HDX: variants seen among roughly 807,000 people sequenced by gnomAD.
The protein encoded by HDX is chromosome X open reading frame 43.
A neutral mutation model predicts 45.2 loss-of-function variants in HDX; 19 were observed. The observed-to-expected ratio is 0.42, with a 90% CI of 0.29 to 0.62. The LOEUF is 0.62. HDX is among the 20% of genes least tolerant of loss of function. HDX has a pLI of 0.20. For missense variants in HDX, 532 were observed against 493.9 expected, an observed-to-expected ratio of 1.08 and a Z score of -0.73; for synonymous variants, 188 against 172.8, an observed-to-expected ratio of 1.09 and a Z score of -0.69.
chrX:84,447,587 C>T (rs750459465), intron 4 of HDX, among the ~76,000 whole-genome samples: 2 of 110,630 alleles, frequency 1.8e-5, no homozygotes, highest in East Asian at 5.8e-4. Context: ...CACACCAGGT[C>T]CCCCCCACAC....
intron 5 of HDX, among the ~76,000 whole-genome samples, chrX:84,390,436 G>A (rs1323404754): frequency 9.0e-6 from 1 of 111,241 alleles, no homozygotes; most frequent in African/African-American, 3.3e-5. Context: ...ATTTTATCAC[G>A]TTCTGAAAAT....
intron 4 of HDX, among the ~76,000 whole-genome samples, chrX:84,441,044 A>G (rs1480412280): frequency 2.7e-5 from 3 of 111,458 alleles, no homozygotes; most frequent in Non-Finnish European, 5.7e-5. Context: ...ATTTATTCTT[A>G]TACATACATG....
At chrX:84,452,469 G>A (rs1344461843) in intron 4 of HDX, among the ~76,000 whole-genome samples, 1 of 102,017 alleles carries the variant, frequency 9.8e-6, no homozygotes, top group East Asian at 3.0e-4. Context: ...ATTCTACAAG[G>A]AAAACTACAA....
At chrX:84,354,153 C>A (rs2037421106) in intron 6 of HDX, among the ~76,000 whole-genome samples, 1 of 111,451 alleles carries the variant, frequency 9.0e-6, no homozygotes, top group Middle Eastern at 4.7e-3. Flanking sequence ...TTTCCAAATT[C>A]TTTACTTTCC....
intron 6 of HDX, among the ~76,000 whole-genome samples, chrX:84,351,010 GCTATCTAT>G (rs199956764): frequency 0.14 from 14,352 of 105,758 alleles, 961 homozygotes; most frequent in East Asian, 0.34. Context: ...ATTGATCCAG[GCTATCTAT>G]CTATCTATCT....
rs909250069 is a variant in HDX at position 84,485,931 on chromosome X, T to C, written c.-1+2093A>G. On this transcript the variant is annotated intron_variant, in intron 2 of 10. Coordinates refer to ENST00000373177, the MANE Select transcript of HDX (RefSeq NM_001177479.2). ...ACTTTCCATATTGTATTTTACCCTA[T>C]GTCTTTTATATAAAGTGGATTTCTT... Among the ~76,000 whole-genome samples, 3 of 112,044 alleles carry C rather than the reference T, an allele frequency of 2.7e-5. No homozygotes were observed. In the Admixed American group the frequency reaches 2.8e-4, roughly 11 times the overall value.
chrX:84,423,034 A>C (rs1184452343), intron 5 of HDX, among the ~76,000 whole-genome samples: 4 of 111,275 alleles, frequency 3.6e-5, no homozygotes, highest in African/African-American at 1.3e-4. Context: ...AATACAAATA[A>C]ATAAAATCAG....
At chrX:84,500,067 A>C (rs780080803) in intron 1 of HDX, 1 of 111,892 alleles carries the variant, frequency 8.9e-6, no homozygotes, top group East Asian at 2.8e-4. Context: ...CAAACTGAGA[A>C]GATTACAGAC....
At chrX:84,334,921 T>C (rs894803133) in intron 8 of HDX, among the ~76,000 whole-genome samples, 2 of 111,030 alleles carry the variant, frequency 1.8e-5, no homozygotes, top group Non-Finnish European at 3.8e-5. Flanking sequence ...TGTGTGTGTG[T>C]ATACACACAC....
chrX:84,326,384 A>C (rs2036711054), intron 9 of HDX, 84 bp from the exon 10 acceptor site: 1 of 700,050 alleles, frequency 1.4e-6, no homozygotes, highest in Non-Finnish European at 2.1e-6. Flanking sequence ...AATTCTAAAA[A>C]ACCATCAAAT....
At chrX:84,370,386 A>G (rs962959277) in intron 5 of HDX, among the ~76,000 whole-genome samples, 3 of 111,960 alleles carry the variant, frequency 2.7e-5, no homozygotes, top group Admixed American at 9.5e-5. Flanking sequence ...CTTTATCTCC[A>G]TCCAATCTAT....
intron 4 of HDX, among the ~76,000 whole-genome samples, chrX:84,441,355 C>A (rs2039757955): frequency 1.8e-5 from 2 of 111,544 alleles, no homozygotes; most frequent in African/African-American, 6.5e-5. Flanking sequence ...TCAGCACTGA[C>A]TAATGGATTT....
intron 5 of HDX, among the ~76,000 whole-genome samples, chrX:84,431,183 CT>C (rs763547075): frequency 0.015 from 1,604 of 107,670 alleles, 26 homozygotes; most frequent in African/African-American, 0.052. Context: ...TCCATATTGC[CT>C]TTTTTTTTAT....
At chrX:84,395,136 C>A (rs944459358) in intron 5 of HDX, among the ~76,000 whole-genome samples, 2 of 109,407 alleles carry the variant, frequency 1.8e-5, no homozygotes, top group African/African-American at 3.3e-5. Flanking sequence ...AGTCTTTTTT[C>A]TTTTTTGTTT....
intron 4 of HDX, among the ~76,000 whole-genome samples, chrX:84,467,633 AAAAAAAG>A (rs1172614840): frequency 1.8e-5 from 2 of 109,584 alleles, no homozygotes; most frequent in African/African-American, 6.6e-5. Flanking sequence ...CAAAAAAAAA[AAAAAAAG>A]GAAAAGAAAA....
intron 5 of HDX, among the ~76,000 whole-genome samples, chrX:84,408,507 T>TTG (rs1392309990): frequency 2.5e-4 from 22 of 87,129 alleles, no homozygotes; most frequent in South Asian, 9.7e-4. Context: ...TTGTTTTTTT[T>TTG]TTTTTTTTTT....
chrX:84,433,432 T>TTA (rs1228840325), intron 5 of HDX, among the ~76,000 whole-genome samples: 1 of 111,809 alleles, frequency 8.9e-6, no homozygotes, highest in African/African-American at 3.2e-5. Context: ...CCATCACCAT[T>TTA]TATAGAAGGC....
intron 5 of HDX, among the ~76,000 whole-genome samples, chrX:84,410,064 A>T (rs1289284006): frequency 6.1e-5 from 2 of 32,686 alleles, no homozygotes; most frequent in Non-Finnish European, 1.6e-4. Flanking sequence ...AAAAAGATTA[A>T]AAAAAAAAAA....
At chrX:84,357,850 A>G (rs2037523927) in intron 6 of HDX, among the ~76,000 whole-genome samples, 1 of 112,250 alleles carries the variant, frequency 8.9e-6, no homozygotes, top group Admixed American at 9.5e-5. Flanking sequence ...AGCCAATGGG[A>G]TATAAGTGAA....
Sources: allele counts gnomAD v4.1 joint callset (sites outside exome capture counted in the v4.1 genomes callset), GRCh38; gene constraint gnomAD v4.1.1; transcripts MANE v1.5; gene names NCBI Gene and HGNC (gene_info 2026-07-23, HGNC 2026-07-21).